SLC28A3: variants seen among roughly 807,000 people sequenced by gnomAD.
SLC28A3 encodes the protein concentrative Na(+)-nucleoside cotransporter 3.
A neutral mutation model predicts 84.2 loss-of-function variants in SLC28A3; 68 were observed. That is an observed-to-expected ratio of 0.81 (90% CI 0.66 to 0.99). The LOEUF is 0.99. Ranked by LOEUF, SLC28A3 falls within the 50% of genes least tolerant of loss-of-function variation. The pLI is 0.00. For missense variants in SLC28A3, 712 were observed against 841.5 expected, an observed-to-expected ratio of 0.85 and a Z score of 1.90; for synonymous variants, 267 against 303.6, an observed-to-expected ratio of 0.88 and a Z score of 1.25.
chr9:84,299,854 G>T, intron 5 of SLC28A3, 129 bp from the exon 6 acceptor site: 1 of 1,049,368 alleles, frequency 9.5e-7, no homozygotes, highest in Non-Finnish European at 1.3e-6. Flanking sequence ...GTAGAATGGA[G>T]CGATCTTGGC....
At chr9:84,321,987 T>C (rs72751192) in intron 1 of SLC28A3, among the ~76,000 whole-genome samples, 2,813 of 152,184 alleles carry the variant, frequency 0.018, 64 homozygotes, top group Admixed American at 0.065. Context: ...GGGGCAGAGG[T>C]TGCAGTGACT....
chr9:84,306,904 TC>T (rs1364706081), intron 3 of SLC28A3, among the ~76,000 whole-genome samples: 2 of 141,978 alleles, frequency 1.4e-5, no homozygotes, highest in Non-Finnish European at 3.0e-5. Context: ...ATGCCTGTAA[TC>T]CTAGCACTTT....
rs370303329 is a variant in SLC28A3, at chr9:84,292,878, G to A, written c.943-130C>T. On this transcript the variant is annotated intron_variant, in intron 9 of 17. Coordinates refer to ENST00000376238, the MANE Select transcript of SLC28A3 (RefSeq NM_001199633.2). Reference sequence around the variant, plus strand: ...AACATTTGTCAGCAAGCTAATGATGGAGCTAAAGGTAAGTTTAACTTATTG... The same window carrying A: ...AACATTTGTCAGCAAGCTAATGATGAAGCTAAAGGTAAGTTTAACTTATTG... 6.5e-5 allele frequency: 39 copies of A among 597,750 alleles called. No homozygotes were observed. In the East Asian group the frequency reaches 1.0e-3, roughly 16 times the overall value. The allele number at this position is 597,750 out of a possible 1,614,324, so 37.0% of individuals were successfully genotyped here.
At chr9:84,324,129 A>T (rs985949256) in intron 1 of SLC28A3, among the ~76,000 whole-genome samples, 3 of 152,056 alleles carry the variant, frequency 2.0e-5, no homozygotes, top group Admixed American at 6.6e-5. Context: ...TTGTCTCTCT[A>T]TCCTCTCCTT....
chr9:84,346,673 G>A, the SLC28A3 span, among the ~76,000 whole-genome samples: 1 of 152,188 alleles, frequency 6.6e-6, no homozygotes, highest in African/African-American at 2.4e-5. Context: ...CAATGAAAAT[G>A]TGTATTTGAC....
intron 1 of SLC28A3, among the ~76,000 whole-genome samples, chr9:84,315,392 T>A (rs953739358): frequency 2.0e-5 from 3 of 152,232 alleles, no homozygotes; most frequent in Admixed American, 6.5e-5. Context: ...TGCGGATCCT[T>A]ACGGAATCCT....
At chr9:84,363,861 A>G in the SLC28A3 span, among the ~76,000 whole-genome samples, 2 of 152,144 alleles carry the variant, frequency 1.3e-5, no homozygotes, top group Non-Finnish European at 2.9e-5. Flanking sequence ...AAGCGATGGG[A>G]TTACAGGCTT....
intron 10 of SLC28A3, 175 bp downstream of exon 10, chr9:84,292,493 C>CTT (rs1825271265): frequency 1.9e-6 from 1 of 521,664 alleles, no homozygotes; most frequent in African/African-American, 2.0e-5. Flanking sequence ...CTCTCTCTCT[C>CTT]TCTGTCTCTC....
intron 1 of SLC28A3, among the ~76,000 whole-genome samples, chr9:84,328,516 T>C (rs1158218473): frequency 6.6e-6 from 1 of 151,954 alleles, no homozygotes; most frequent in Non-Finnish European, 1.5e-5. Context: ...CCCAGCACTT[T>C]GGGAGGCTGA....
rs1020409385 is a variant in SLC28A3 at position 84,276,933 on chromosome 9, G to T, written c.*1285C>A. The T allele has an allele frequency of 3.3e-5, 5 of 152,184 alleles. No individual in the cohort carries two copies. Among genetic ancestry groups the T allele is most frequent in the Non-Finnish European group, 7.3e-5 (5 of 68,034 alleles). 9.4% of individuals were successfully genotyped at this position (152,184 alleles called of 1,614,324 possible). ...ATGTTTGTGTTTTCTCACAGCATGT[G>T]GTCTTCATGCTATTAAGAGCAGTGG... On this transcript the variant is annotated 3_prime_UTR_variant, in exon 18 of 18. Coordinates refer to ENST00000376238, the MANE Select transcript of SLC28A3 (RefSeq NM_001199633.2).
chr9:84,285,423 A>G lies in SLC28A3; in HGVS notation c.1569T>C (p.Tyr523=), dbSNP rs1824942166. 1.2e-6 allele frequency: 2 copies of G among 1,614,212 alleles called. No individual in the cohort carries two copies. Among genetic ancestry groups the G allele is most frequent in the Middle Eastern group, 1.6e-4 (1 of 6,062 alleles). The change falls in exon 14 of 18, where the codon TAT becomes TAC. Residue 523 remains tyrosine (Y), a synonymous_variant. Transcript: ENST00000376238. ...YKTFFNEFVA[Y]EHLSKWIHLR... The stretch of plus-strand genomic sequence containing the variant: ...AGTGGATCCATTTTGAGAGGTGCTC[A>G]TAAGCCACAAATTCATTGAAGAAGG...
intron 17 of SLC28A3, 147 bp from the exon 18 acceptor site, chr9:84,278,491 C>T (rs1247640850): frequency 3.9e-6 from 4 of 1,019,764 alleles, no homozygotes; most frequent in Admixed American, 2.9e-5. Flanking sequence ...GACAGAGACA[C>T]TGGGGAATTT....
intron 1 of SLC28A3, among the ~76,000 whole-genome samples, chr9:84,321,733 CAA>C (rs10707383): frequency 9.7e-4 from 63 of 65,090 alleles, no homozygotes; most frequent in African/African-American, 2.0e-3. Context: ...GACTCCGTCT[CAA>C]AAAAAAAAAA....
At chr9:84,299,804 T>C (rs562124811) in intron 5 of SLC28A3, 79 bp from the exon 6 acceptor site, 10 of 1,494,386 alleles carry the variant, frequency 6.7e-6, no homozygotes, top group Middle Eastern at 3.6e-4. Context: ...ATTTTTTTTT[T>C]TTTTGAGAGA....
In SLC28A3 at chr9:84,277,733, G is replaced by A. The variant is rs41282425; in HGVS notation, c.*485C>T. The A allele has an allele frequency of 0.072, 10,998 of 153,662 alleles. 620 individuals are homozygous for A. Among genetic ancestry groups the A allele is most frequent in the Admixed American group, 0.16 (2,529 of 15,520 alleles). 9.5% of individuals were successfully genotyped at this position (153,662 alleles called of 1,614,324 possible). On this transcript the variant is annotated 3_prime_UTR_variant, in exon 18 of 18. Transcript: ENST00000376238. ...TCCTGAGGGTAGTCAATGAGTTGGT[G>A]ATTGATGACTAGTTTTCCCTTATGT... is the stretch of plus-strand genomic sequence containing the variant.
chr9:84,364,513 G>A, the SLC28A3 span, among the ~76,000 whole-genome samples: 3 of 152,146 alleles, frequency 2.0e-5, no homozygotes, highest in African/African-American at 7.2e-5. Flanking sequence ...GTGAGGCACT[G>A]TGCCTGGCCA....
chr9:84,316,471 G>T (rs911836669), intron 1 of SLC28A3, among the ~76,000 whole-genome samples: 6 of 152,188 alleles, frequency 3.9e-5, no homozygotes, highest in African/African-American at 1.4e-4. Context: ...CTGTCTTGCT[G>T]CCCAGTGTGA....
chr9:84,301,870 C>T (rs1480632707), intron 5 of SLC28A3, among the ~76,000 whole-genome samples: 1 of 152,178 alleles, frequency 6.6e-6, no homozygotes, highest in Non-Finnish European at 1.5e-5. Flanking sequence ...TAACTACTTC[C>T]TAATACGTAG....
At chr9:84,281,896 C>T (rs781677407) in intron 14 of SLC28A3, among the ~76,000 whole-genome samples, 13 of 152,122 alleles carry the variant, frequency 8.5e-5, no homozygotes, top group South Asian at 4.1e-4. Flanking sequence ...GAGGCCGAGG[C>T]GGGTAGATCA....
Sources: allele counts gnomAD v4.1 joint callset (sites outside exome capture counted in the v4.1 genomes callset), GRCh38; gene constraint gnomAD v4.1.1; transcripts MANE v1.5; gene names NCBI Gene and HGNC (gene_info 2026-07-23, HGNC 2026-07-21).